Variants in ROBO2 observed in about 807,000 individuals in gnomAD.
The protein encoded by ROBO2 is roundabout guidance receptor 2.
Under a neutral mutation model 160.8 loss-of-function variants are expected in ROBO2, and 53 were observed. That is an observed-to-expected ratio of 0.33 (90% CI 0.26 to 0.41). ROBO2 has a LOEUF of 0.41. ROBO2 is among the 10% of genes least tolerant of loss of function. The probability of loss-of-function intolerance (pLI) is 1.00; values close to 1 mark genes in which losing one functional copy is unlikely to be tolerated. For synonymous variants in ROBO2, 664 were observed against 611.7 expected, an observed-to-expected ratio of 1.09 and a Z score of -1.26; for missense variants, 1,577 against 1,722.4, an observed-to-expected ratio of 0.92 and a Z score of 1.49.
chr3:77,105,492 A>C (rs1450964037), intron 2 of ROBO2, among the ~76,000 whole-genome samples: 1 of 152,158 alleles, frequency 6.6e-6, no homozygotes, highest in Admixed American at 6.5e-5. Context: ...GATAATGCTA[A>C]TATGTTATTT....
chr3:76,372,075 T>G (rs923747740), intron 2 of ROBO2, among the ~76,000 whole-genome samples: 6 of 151,896 alleles, frequency 4.0e-5, no homozygotes, highest in Admixed American at 3.9e-4. Flanking sequence ...TTTACGTGTG[T>G]TTAATTATAA....
intron 2 of ROBO2, among the ~76,000 whole-genome samples, chr3:77,382,362 T>A (rs115407904): frequency 0.01 from 1,556 of 149,044 alleles, 7 homozygotes; most frequent in Middle Eastern, 0.025. Context: ...TTTTTTTTTT[T>A]AAAAAGTCTT....
At chr3:76,949,755 C>CCAAGATGTTTGTTAAAA (rs2078848240) in intron 2 of ROBO2, among the ~76,000 whole-genome samples, 1 of 152,156 alleles carries the variant, frequency 6.6e-6, no homozygotes, top group African/African-American at 2.4e-5. Flanking sequence ...AGGACACAGG[C>CCAAGATGTTTGTTAAAA]CAGGCACAGT....
chr3:76,274,016 A>G (rs1406509551), intron 2 of ROBO2, among the ~76,000 whole-genome samples: 1 of 152,084 alleles, frequency 6.6e-6, no homozygotes, highest in Non-Finnish European at 1.5e-5. Context: ...GACAGAACGC[A>G]CTCCCATGTA....
chr3:76,306,992 T>C (rs910214659), intron 2 of ROBO2, among the ~76,000 whole-genome samples: 2 of 152,126 alleles, frequency 1.3e-5, no homozygotes, highest in African/African-American at 4.8e-5. Flanking sequence ...TTTAAACCCT[T>C]TGTTGACCCC....
chr3:76,736,373 G>C (rs2093714529), intron 2 of ROBO2, among the ~76,000 whole-genome samples: 1 of 152,004 alleles, frequency 6.6e-6, no homozygotes, highest in Non-Finnish European at 1.5e-5. Flanking sequence ...ATACAATTTA[G>C]TGTTGTCCTA....
chr3:76,252,540 A>G (rs1706072843), intron 2 of ROBO2, among the ~76,000 whole-genome samples: 1 of 151,940 alleles, frequency 6.6e-6, no homozygotes, highest in African/African-American at 2.4e-5. Context: ...CCAATATGGT[A>G]TGTGTGTGCA....
intron 2 of ROBO2, among the ~76,000 whole-genome samples, chr3:76,051,959 A>G (rs1252626366): frequency 6.6e-6 from 1 of 152,094 alleles, no homozygotes; most frequent in Non-Finnish European, 1.5e-5. Context: ...AAAAAGTACT[A>G]TTAAAAGAAA....
intron 2 of ROBO2, among the ~76,000 whole-genome samples, chr3:76,803,709 C>T (rs2064435640): frequency 6.6e-6 from 1 of 152,128 alleles, no homozygotes; most frequent in South Asian, 2.1e-4. Context: ...AGACCAGGAC[C>T]GTATCTTGTA....
intron 2 of ROBO2, among the ~76,000 whole-genome samples, chr3:76,992,706 C>A (rs1478105273): frequency 6.6e-6 from 1 of 151,962 alleles, no homozygotes; most frequent in African/African-American, 2.4e-5. Context: ...TCTTCCCCTG[C>A]CATAGGTAGC....
intron 5 of ROBO2, among the ~76,000 whole-genome samples, chr3:77,519,860 C>G (rs749400632): frequency 1.3e-5 from 2 of 151,344 alleles, no homozygotes; most frequent in Non-Finnish European, 3.0e-5. Flanking sequence ...CTCCAAACTG[C>G]TTTCCCCAAT....
chr3:76,979,846 C>T (rs2060006624), intron 2 of ROBO2, among the ~76,000 whole-genome samples: 1 of 151,694 alleles, frequency 6.6e-6, no homozygotes, highest in Admixed American at 6.6e-5. Context: ...TGTAAACTCA[C>T]TGTGTAACAA....
chr3:76,787,328 C>CCACACAGA (rs2063050950), intron 2 of ROBO2, among the ~76,000 whole-genome samples: 2 of 142,260 alleles, frequency 1.4e-5, no homozygotes, highest in South Asian at 4.6e-4. Flanking sequence ...TGTAAACACA[C>CCACACAGA]CACACACACA....
intron 2 of ROBO2, among the ~76,000 whole-genome samples, chr3:76,484,817 T>A (rs1370077747): frequency 2.0e-5 from 3 of 152,084 alleles, no homozygotes; most frequent in Admixed American, 2.0e-4. Flanking sequence ...TGAAAATTTT[T>A]AAAAAAGAAT....
intron 15 of ROBO2, 89 bp downstream of exon 16, chr3:77,577,703 T>C: frequency 1.4e-6 from 2 of 1,473,804 alleles, no homozygotes; most frequent in South Asian, 2.3e-5. Flanking sequence ...CTCTAAAGGT[T>C]CTCTTATTCA....
At chr3:77,054,984 T>G (rs2065594688) in intron 1 of ROBO2, among the ~76,000 whole-genome samples, 1 of 151,030 alleles carries the variant, frequency 6.6e-6, no homozygotes, top group Admixed American at 6.6e-5. Flanking sequence ...CATTCATCAG[T>G]AATGAGATTA....
chr3:76,959,776 A>G (rs556571122), intron 2 of ROBO2, among the ~76,000 whole-genome samples: 12 of 152,112 alleles, frequency 7.9e-5, no homozygotes, highest in South Asian at 2.1e-4. Context: ...TTCAAACTCA[A>G]TTCTTTATTT....
At chr3:77,371,908 T>C (rs1389728505) in intron 2 of ROBO2, among the ~76,000 whole-genome samples, 1 of 152,216 alleles carries the variant, frequency 6.6e-6, no homozygotes, top group African/African-American at 2.4e-5. Context: ...TAGTCACTTG[T>C]AATGAATAAC....
chr3:76,511,642 A>G (rs1302825484), intron 2 of ROBO2, among the ~76,000 whole-genome samples: 1 of 152,208 alleles, frequency 6.6e-6, no homozygotes, highest in African/African-American at 2.4e-5. Flanking sequence ...GAAGGATGCC[A>G]TATATGCTAT....
Sources: gnomAD v4.1 joint callset for allele counts (sites outside exome capture counted in the v4.1 genomes callset) on GRCh38, gnomAD v4.1.1 for gene constraint, MANE v1.5 for transcripts, NCBI Gene and HGNC (gene_info 2026-07-23, HGNC 2026-07-21) for gene names.